The following TENM2 variants were observed in gnomAD, a reference collection of about 807,000 sequenced individuals.
TENM2 encodes the protein teneurin-2.
A neutral mutation model predicts 245.2 loss-of-function variants in TENM2; 52 were observed. The observed-to-expected ratio is 0.21, with a 90% CI of 0.17 to 0.27. TENM2 has a LOEUF of 0.27. Among genes scored for constraint, TENM2 ranks in the 10% least tolerant of loss-of-function variants. The pLI is 1.00. For synonymous variants in TENM2, 1,363 were observed against 1,438.9 expected, an observed-to-expected ratio of 0.95 and a Z score of 1.19; for missense variants, 3,046 against 3,666.8, an observed-to-expected ratio of 0.83 and a Z score of 4.37.
At chr5:167,047,944 G>C in the TENM2 span, among the ~76,000 whole-genome samples, 1 of 118,740 alleles carries the variant, frequency 8.4e-6, no homozygotes. Flanking sequence ...CAGAAGAAAG[G>C]CCCTATAGCA....
chr5:168,031,149 T>A (rs2151952798), intron 5 of TENM2, among the ~76,000 whole-genome samples: 1 of 152,302 alleles, frequency 6.6e-6, no homozygotes, highest in East Asian at 1.9e-4. Flanking sequence ...AAAGTGCAGC[T>A]TCAAGAGTCA....
chr5:168,036,072 A>G (rs1170887543), intron 5 of TENM2, among the ~76,000 whole-genome samples: 1 of 152,128 alleles, frequency 6.6e-6, no homozygotes, highest in African/African-American at 2.4e-5. Context: ...GCCAGTGTTA[A>G]GGGAGACACC....
the TENM2 span, among the ~76,000 whole-genome samples, chr5:167,129,151 T>C: frequency 2.0e-5 from 3 of 152,262 alleles, no homozygotes; most frequent in African/African-American, 7.2e-5. Flanking sequence ...ATGTCAGAAT[T>C]GATCCCAGTG....
chr5:167,974,022 A>AGGGAGGGAGGGAG (rs1299828112), intron 4 of TENM2, among the ~76,000 whole-genome samples: 1 of 66,314 alleles, frequency 1.5e-5, no homozygotes, highest in African/African-American at 1.1e-4. Flanking sequence ...GGAGGGAGGG[A>AGGGAGGGAGGGAG]GGAAGGAAGG....
At chr5:167,640,460 A>C (rs1425109750) in intron 2 of TENM2, among the ~76,000 whole-genome samples, 2 of 151,898 alleles carry the variant, frequency 1.3e-5, no homozygotes, top group Non-Finnish European at 2.9e-5. Flanking sequence ...TCTAACTAAA[A>C]ATACAAAATT....
intron 3 of TENM2, among the ~76,000 whole-genome samples, chr5:167,928,609 G>A (rs1056206454): frequency 2.0e-5 from 3 of 152,086 alleles, no homozygotes; most frequent in Admixed American, 6.5e-5. Context: ...AAAAGAATGT[G>A]TGGGCCAGGT....
At chr5:167,576,671 A>C (rs1774711835) in intron 2 of TENM2, among the ~76,000 whole-genome samples, 1 of 152,212 alleles carries the variant, frequency 6.6e-6, no homozygotes, top group South Asian at 2.1e-4. Context: ...GGAAGAACTG[A>C]AATAGAATAC....
the TENM2 span, among the ~76,000 whole-genome samples, chr5:167,269,785 A>G: frequency 6.6e-6 from 1 of 152,068 alleles, no homozygotes; most frequent in Non-Finnish European, 1.5e-5. Context: ...TTCTGGTTTC[A>G]TTCTCTGTAC....
intron 5 of TENM2, among the ~76,000 whole-genome samples, chr5:168,013,026 G>A (rs1003586479): frequency 6.6e-6 from 1 of 152,124 alleles, no homozygotes; most frequent in African/African-American, 2.4e-5. Context: ...ACCTTCAAAG[G>A]AGGGAGATAG....
chr5:167,678,623 AT>A (rs1312980197), intron 2 of TENM2, among the ~76,000 whole-genome samples: 2 of 152,060 alleles, frequency 1.3e-5, no homozygotes, highest in Non-Finnish European at 2.9e-5. Context: ...GATGAATCAC[AT>A]TTTTTTAGGC....
intron 2 of TENM2, among the ~76,000 whole-genome samples, chr5:167,382,324 G>A (rs1325241289): frequency 6.6e-6 from 1 of 152,164 alleles, no homozygotes; most frequent in African/African-American, 2.4e-5. Context: ...ATAAAGCGAA[G>A]GCTAGAAGAG....
At chr5:167,293,462 C>T (rs1280986299) in intron 1 of TENM2, among the ~76,000 whole-genome samples, 1 of 150,956 alleles carries the variant, frequency 6.6e-6, no homozygotes, top group Non-Finnish European at 1.5e-5. Context: ...TTAGGTGATC[C>T]ACCCGCCTCG....
chr5:167,256,782 G>T, the TENM2 span, among the ~76,000 whole-genome samples: 1 of 152,032 alleles, frequency 6.6e-6, no homozygotes, highest in East Asian at 1.9e-4. Flanking sequence ...TGGAAAGAAA[G>T]AAGAAATTTA....
chr5:167,825,056 C>T (rs1767846194), intron 2 of TENM2, among the ~76,000 whole-genome samples: 1 of 152,084 alleles, frequency 6.6e-6, no homozygotes, highest in South Asian at 2.1e-4. Flanking sequence ...AGCGTCCCCA[C>T]TTGGAAATCT....
chr5:167,367,750 A>G (rs1760148193), intron 1 of TENM2, among the ~76,000 whole-genome samples: 1 of 151,976 alleles, frequency 6.6e-6, no homozygotes, highest in African/African-American at 2.4e-5. Context: ...AATATAACAT[A>G]TTTAAATGCG....
At chr5:167,498,696 C>G (rs1214982640) in intron 2 of TENM2, among the ~76,000 whole-genome samples, 1 of 151,998 alleles carries the variant, frequency 6.6e-6, no homozygotes, top group Non-Finnish European at 1.5e-5. Context: ...AAGATGCATC[C>G]TTTTGGCTCT....
chr5:167,475,171 A>G (rs1405570002), intron 2 of TENM2, among the ~76,000 whole-genome samples: 1 of 152,182 alleles, frequency 6.6e-6, no homozygotes, highest in Non-Finnish European at 1.5e-5. Flanking sequence ...AATGCACATA[A>G]CATAACTTAT....
intron 21 of TENM2, among the ~76,000 whole-genome samples, 165 bp downstream of exon 23, chr5:168,215,437 A>G (rs1562290564): frequency 6.6e-6 from 1 of 152,164 alleles, no homozygotes; most frequent in Non-Finnish European, 1.5e-5. Flanking sequence ...GTGTTTAAAA[A>G]GAAAACCAGT....
In TENM2 at chr5:167,366,469, G is replaced by A. The variant is rs148938275; in HGVS notation, c.227-8729G>A. ...GCAGGCAACAATCTAAGCATTTTCC[G>A]CTGCTTTGTGTCATTCAGTACCCTC... On this transcript the variant is annotated intron_variant, in intron 1 of 28. Transcript: ENST00000518659. Among the ~76,000 whole-genome samples the A allele has an allele frequency of 4.5e-3, 684 of 152,106 alleles. 8 individuals are homozygous for A. Among genetic ancestry groups the A allele is most frequent in the African/African-American group, 0.016 (657 of 41,502 alleles).
Sources: gnomAD v4.1 joint callset for allele counts (sites outside exome capture counted in the v4.1 genomes callset) on GRCh38, gnomAD v4.1.1 for gene constraint, MANE v1.5 for transcripts, NCBI Gene and HGNC (gene_info 2026-07-23, HGNC 2026-07-21) for gene names.